The following LITAFD variants were observed in gnomAD, a reference collection of about 807,000 sequenced individuals.
The protein encoded by LITAFD is lITAF domain-containing protein.
At chr16:8,884,243 G>T (rs889558518) in intron 2 of LITAFD, 80 bp from the exon 3 acceptor site, 1 of 397,148 alleles carries the variant, frequency 2.5e-6, no homozygotes, top group Non-Finnish European at 4.4e-6. Flanking sequence ...GGTGAGCACC[G>T]ACAGCCCATG....
chr16:8,885,266 C>T (rs916493970), exon 4 of LITAFD: 10 of 398,974 alleles, frequency 2.5e-5, no homozygotes, highest in Admixed American at 1.8e-4. Context: ...CGTGTGTCAG[C>T]GCGAGCTCTT....
intron 2 of LITAFD, 63 bp from the exon 3 acceptor site, chr16:8,884,260 G>C (rs1465497023): frequency 7.5e-6 from 3 of 397,872 alleles, no homozygotes; most frequent in Non-Finnish European, 1.3e-5. Flanking sequence ...CATGGGAATT[G>C]AGAAGCCACA....
intron 3 of LITAFD, chr16:8,884,963 G>A: frequency 5.0e-6 from 2 of 397,516 alleles, no homozygotes; most frequent in Non-Finnish European, 8.9e-6. Flanking sequence ...GGTGGCACGT[G>A]CCTGTAATCC....
At chr16:8,884,423 G>C (rs879523336) in exon 3 of LITAFD, 1 of 399,276 alleles carries the variant, frequency 2.5e-6, no homozygotes, top group Non-Finnish European at 4.4e-6. Context: ...TTTGTCCCGG[G>C]TGCCCTCACC....
exon 3 of LITAFD, chr16:8,884,342 T>C: frequency 2.5e-6 from 1 of 399,088 alleles, no homozygotes; most frequent in East Asian, 3.6e-5. Context: ...GGCATGTCCG[T>C]GGTGGGGACG....
At position 8,884,485 on chromosome 16, in the gene LITAFD, C is replaced by T. The variant is rs1415327277; in HGVS notation, c.110+20C>T. 2.5e-6 allele frequency: 1 copy of T among 399,114 alleles called. No individual in the cohort carries two copies. The highest frequency in any genetic ancestry group is 2.1e-5 in the African/African-American group (1 of 48,650). 24.7% of individuals were successfully genotyped at this position (399,114 alleles called of 1,614,324 possible). Reference sequence around the variant, plus strand: ...GTTCGGGTGAGTGGCCGCCCCTCCGCCGCTGCAGAGGCCTGAGCATTGGTA... The same window carrying T: ...GTTCGGGTGAGTGGCCGCCCCTCCGTCGCTGCAGAGGCCTGAGCATTGGTA... On this transcript the variant is annotated intron_variant, in intron 3 of 3. Coordinates refer to ENST00000636296, the Ensembl canonical transcript of LITAFD.
exon 4 of LITAFD, chr16:8,885,326 C>G (rs891253798): frequency 5.0e-6 from 2 of 398,724 alleles, no homozygotes; most frequent in Non-Finnish European, 8.8e-6. Context: ...AGGGGTGCCA[C>G]CTGGGCACAC....
At chr16:8,884,118 C>T (rs553990507) in intron 2 of LITAFD, among the ~76,000 whole-genome samples, 2 of 152,302 alleles carry the variant, frequency 1.3e-5, no homozygotes, top group South Asian at 2.1e-4. Context: ...GGAAACCCCA[C>T]TTCCAGCTAA....
At chr16:8,883,001 A>C (rs1005042135) in intron 1 of LITAFD, among the ~76,000 whole-genome samples, 2 of 151,882 alleles carry the variant, frequency 1.3e-5, no homozygotes, top group Admixed American at 6.6e-5. Context: ...GTGCCCGGCT[A>C]ATTTTTGTAT....
At chr16:8,884,247 G>T (rs1007858600) in intron 2 of LITAFD, 76 bp from the exon 3 acceptor site, 2 of 397,564 alleles carry the variant, frequency 5.0e-6, no homozygotes, top group South Asian at 2.7e-4. Flanking sequence ...AGCACCGACA[G>T]CCCATGGGAA....
At chr16:8,884,834 C>T (rs532303279) in intron 3 of LITAFD, among the ~76,000 whole-genome samples, 11 of 152,164 alleles carry the variant, frequency 7.2e-5, no homozygotes, top group Non-Finnish European at 1.5e-4. Flanking sequence ...CCTGTAATCC[C>T]AGCACTTTGG....
At chr16:8,883,495 C>T (rs1050174195) in intron 2 of LITAFD, among the ~76,000 whole-genome samples, 1 of 152,132 alleles carries the variant, frequency 6.6e-6, no homozygotes, top group African/African-American at 2.4e-5. Flanking sequence ...CCAGTGGCCA[C>T]CGAAGCATCT....
rs761291144 is a variant in LITAFD, at chr16:8,883,055, C to T, written c.-110-155C>T. 4.1e-4 allele frequency among the ~76,000 whole-genome samples: 63 copies of T among 152,164 alleles called. No homozygotes were observed. The Middle Eastern group carries it at 0.01, about 25-fold the overall frequency. ...TTCACCATGTTGGCCAGACTGGTCT[C>T]GAACTCCTGATCTCGGGTGCTCTGC... On this transcript the variant is annotated intron_variant, in intron 1 of 3. Transcript: ENST00000636296.
At chr16:8,884,392 C>T (rs1007345697) in exon 3 of LITAFD, 6 of 399,042 alleles carry the variant, frequency 1.5e-5, no homozygotes, top group East Asian at 3.6e-5. Flanking sequence ...CTGTGGAAAC[C>T]GCATCATCAC....
chr16:8,884,020 G>A (rs552486555), intron 2 of LITAFD, among the ~76,000 whole-genome samples: 82 of 152,246 alleles, frequency 5.4e-4, no homozygotes, highest in African/African-American at 1.8e-3. Context: ...AGCTGAGATC[G>A]CACCACTGCA....
intron 3 of LITAFD, 21 bp downstream of exon 3, chr16:8,884,486 C>T (rs372039400): frequency 2.3e-5 from 5 of 219,872 alleles, no homozygotes; most frequent in Middle Eastern, 1.5e-3. Flanking sequence ...GCCCCTCCGC[C>T]GCTGCAGAGG....
chr16:8,884,014 G>T (rs1037615846), intron 2 of LITAFD, among the ~76,000 whole-genome samples: 6 of 152,262 alleles, frequency 3.9e-5, no homozygotes, highest in African/African-American at 1.2e-4. Context: ...GCAGTGAGCT[G>T]AGATCGCACC....
At chr16:8,885,015 G>C in intron 3 of LITAFD, 172 bp from the exon 4 acceptor site, 1 of 398,976 alleles carries the variant, frequency 2.5e-6, no homozygotes, top group Non-Finnish European at 4.4e-6. Flanking sequence ...AGAGGTTGCA[G>C]TGAGCCAAGA....
chr16:8,885,128 G>A (rs1020860055), intron 3 of LITAFD, 59 bp from the exon 4 acceptor site: 15 of 399,284 alleles, frequency 3.8e-5, no homozygotes, highest in Middle Eastern at 6.3e-4. Context: ...TCCCAGGTGC[G>A]TCCAGCGTAC....
Sources: allele counts gnomAD v4.1 joint callset (sites outside exome capture counted in the v4.1 genomes callset), GRCh38; gene constraint gnomAD v4.1.1; transcripts MANE v1.5; gene names NCBI Gene and HGNC (gene_info 2026-07-23, HGNC 2026-07-21).